Variants in ZPLD1 observed in about 807,000 individuals in gnomAD.
The protein encoded by ZPLD1 is zona pellucida-like domain-containing protein 1.
ZPLD1 carries 34 observed loss-of-function variants against 47.2 expected under a neutral mutation model. The ratio of observed to expected loss-of-function variants is 0.72; its 90% CI spans 0.55 to 0.96. The LOEUF is 0.96. ZPLD1 is among the 40% of genes least tolerant of loss of function. ZPLD1 has a pLI of 0.00. For synonymous variants in ZPLD1, 176 were observed against 186.2 expected, an observed-to-expected ratio of 0.95 and a Z score of 0.45; for missense variants, 512 against 505.8, an observed-to-expected ratio of 1.01 and a Z score of -0.12.
intron 8 of ZPLD1, among the ~76,000 whole-genome samples, chr3:102,467,174 A>G (rs891802945): frequency 2.0e-5 from 3 of 152,168 alleles, no homozygotes; most frequent in African/African-American, 7.2e-5. Context: ...GCAATTTATA[A>G]CGATATCAAA....
At chr3:102,444,364 C>A (rs1707224980) in intron 3 of ZPLD1, among the ~76,000 whole-genome samples, 1 of 152,168 alleles carries the variant, frequency 6.6e-6, no homozygotes, top group African/African-American at 2.4e-5. Flanking sequence ...GTTCAATATA[C>A]AGAGGAAACT....
chr3:102,466,285 C>G (rs992766486), intron 8 of ZPLD1, among the ~76,000 whole-genome samples: 1 of 152,082 alleles, frequency 6.6e-6, no homozygotes, highest in East Asian at 1.9e-4. Context: ...GTTGGGGAAA[C>G]CCTTAAGGAA....
At chr3:102,404,634 A>G (rs1369744301) in intron 7 of ZPLD1, among the ~76,000 whole-genome samples, 4 of 152,142 alleles carry the variant, frequency 2.6e-5, no homozygotes, top group Admixed American at 1.3e-4. Flanking sequence ...CTTCCAGTAT[A>G]AACAAAACTC....
At chr3:102,425,090 G>T (rs924098215) in intron 8 of ZPLD1, among the ~76,000 whole-genome samples, 1 of 151,880 alleles carries the variant, frequency 6.6e-6, no homozygotes, top group Non-Finnish European at 1.5e-5. Flanking sequence ...AGGAGGAAAT[G>T]CAACTATTTT....
intron 7 of ZPLD1, among the ~76,000 whole-genome samples, chr3:102,413,026 T>A (rs1190732135): frequency 1.3e-5 from 2 of 151,826 alleles, no homozygotes; most frequent in East Asian, 3.9e-4. Flanking sequence ...ATAATGATTT[T>A]ACATGGCTAT....
At chr3:102,427,044 T>A (rs969630359) in intron 8 of ZPLD1, among the ~76,000 whole-genome samples, 5 of 152,014 alleles carry the variant, frequency 3.3e-5, no homozygotes, top group African/African-American at 1.2e-4. Context: ...TAATATTACA[T>A]CCTCCCAAAC....
Position 102,470,430 on chromosome 3 carries a change from A to G in ZPLD1, c.970A>G (p.Arg324Gly), listed in dbSNP as rs201274883. Residue 324 changes from arginine to glycine, a missense_variant, in exon 10 of 12, where the codon AGG (arginine) becomes GGG (glycine). Transcript: ENST00000466937. ...SHRERRDAGR[R>G]TTWSPQSSSG... Reference sequence around the variant, plus strand: ...CAGAGAAAGGAGAGATGCTGGGAGGAGGACGACTTGGAGCCCCCAGAGCTC... The same window carrying G: ...CAGAGAAAGGAGAGATGCTGGGAGGGGGACGACTTGGAGCCCCCAGAGCTC... 2 of 1,613,856 alleles carry G rather than the reference A, an allele frequency of 1.2e-6. No individual in the cohort carries two copies. Among genetic ancestry groups the G allele is most frequent in the South Asian group, 1.1e-5 (1 of 91,026 alleles).
Position 102,476,895 on chromosome 3 carries a change from A to G in ZPLD1, c.1043-117A>G, listed in dbSNP as rs77627979. The stretch of plus-strand genomic sequence containing the variant: ...CCTTACTCAAGGAGATTATGGGTGG[A>G]CGTAAGAGGAGATAACAGGTAAAAA... On this transcript the variant is annotated intron_variant, in intron 10 of 11. Transcript: ENST00000466937. 6.1e-4 allele frequency: 728 copies of G among 1,185,274 alleles called. 4 individuals are homozygous for G. In the African/African-American group the frequency reaches 0.01, roughly 17 times the overall value. The allele number at this position is 1,185,274 out of a possible 1,614,324, so 73.4% of individuals were successfully genotyped here.
intron 8 of ZPLD1, among the ~76,000 whole-genome samples, chr3:102,426,303 A>T (rs2107310510): frequency 6.6e-6 from 1 of 152,250 alleles, no homozygotes; most frequent in Admixed American, 6.5e-5. Flanking sequence ...AGTTCGCCTG[A>T]GGTCAGTAGT....
intron 8 of ZPLD1, among the ~76,000 whole-genome samples, chr3:102,465,924 T>A (rs1239332596): frequency 6.6e-6 from 1 of 151,492 alleles, no homozygotes; most frequent in East Asian, 1.9e-4. Context: ...CTTAAGGGAG[T>A]CAGCTCCCAG....
At chr3:102,462,909 C>T (rs142425816) in intron 7 of ZPLD1, among the ~76,000 whole-genome samples, 100 of 152,092 alleles carry the variant, frequency 6.6e-4, no homozygotes, top group Non-Finnish European at 7.8e-4. Context: ...AAGCTCTAAC[C>T]GTGCCCTATA....
intron 3 of ZPLD1, among the ~76,000 whole-genome samples, chr3:102,446,016 G>C (rs920247508): frequency 6.6e-6 from 1 of 152,112 alleles, no homozygotes; most frequent in African/African-American, 2.4e-5. Flanking sequence ...GCAGTTGGCA[G>C]AATACAGATA....
At chr3:102,400,857 C>T (rs559226358) in intron 7 of ZPLD1, among the ~76,000 whole-genome samples, 1 of 152,156 alleles carries the variant, frequency 6.6e-6, no homozygotes, top group South Asian at 2.1e-4. Flanking sequence ...GGACCTCTCA[C>T]CACTCTTCAA....
intron 7 of ZPLD1, among the ~76,000 whole-genome samples, chr3:102,396,260 A>C (rs924463706): frequency 2.0e-5 from 3 of 152,146 alleles, no homozygotes; most frequent in Non-Finnish European, 4.4e-5. Context: ...CTCTAATTGC[A>C]TTACCTGTTT....
chr3:102,389,166 A>G (rs558457770), intron 6 of ZPLD1, among the ~76,000 whole-genome samples: 118 of 152,328 alleles, frequency 7.7e-4, no homozygotes, highest in Admixed American at 2.5e-3. Context: ...GCTGGTCCTT[A>G]AAAAATAAAA....
chr3:102,417,722 A>G (rs185939574), intron 7 of ZPLD1, among the ~76,000 whole-genome samples: 2 of 152,050 alleles, frequency 1.3e-5, no homozygotes, highest in East Asian at 1.9e-4. Flanking sequence ...CAGGACATTG[A>G]TAACTGTGCA....
At chr3:102,422,996 A>T (rs1248896415) in intron 8 of ZPLD1, among the ~76,000 whole-genome samples, 1 of 152,100 alleles carries the variant, frequency 6.6e-6, no homozygotes, top group East Asian at 1.9e-4. Context: ...ATATCATTTG[A>T]TCAGGAAAGA....
chr3:102,397,245 G>A (rs1453749923), intron 7 of ZPLD1, among the ~76,000 whole-genome samples: 2 of 152,138 alleles, frequency 1.3e-5, no homozygotes, highest in Non-Finnish European at 2.9e-5. Flanking sequence ...TACAAGATAT[G>A]TAAGAATGCT....
intron 7 of ZPLD1, among the ~76,000 whole-genome samples, chr3:102,399,555 A>G (rs2107290541): frequency 6.6e-6 from 1 of 152,182 alleles, no homozygotes; most frequent in South Asian, 2.1e-4. Context: ...ATGGACAGAT[A>G]AATTATTCTT....
Sources: gnomAD v4.1 joint callset for allele counts (sites outside exome capture counted in the v4.1 genomes callset) on GRCh38, gnomAD v4.1.1 for gene constraint, MANE v1.5 for transcripts, NCBI Gene and HGNC (gene_info 2026-07-23, HGNC 2026-07-21) for gene names.